The following LINGO2 variants were observed in gnomAD, a reference collection of about 807,000 sequenced individuals.
LINGO2 encodes leucine rich repeat and Ig domain containing 2.
LINGO2 carries 14 observed loss-of-function variants against 30.6 expected under a neutral mutation model. That is an observed-to-expected ratio of 0.46 (90% confidence interval 0.30 to 0.72). The LOEUF is 0.72. Among genes scored for constraint, LINGO2 ranks in the 30% least tolerant of loss-of-function variants. LINGO2 has a pLI of 0.07. For synonymous variants in LINGO2, 317 were observed against 288.5 expected (o/e 1.10, Z -1.00); for missense variants, 729 against 751.7 (o/e 0.97, Z 0.35).
the LINGO2 span, among the ~76,000 whole-genome samples, chr9:29,170,433 T>C: frequency 1.3e-5 from 2 of 151,958 alleles, no homozygotes; most frequent in Non-Finnish European, 2.9e-5. Context: ...ATAACAGACA[T>C]AGGAGACTAT....
chr9:28,055,689 TTTG>T (rs1293672952), intron 4 of LINGO2, among the ~76,000 whole-genome samples: 4 of 152,314 alleles, frequency 2.6e-5, no homozygotes, highest in African/African-American at 9.6e-5. Flanking sequence ...AAAATGCTTC[TTTG>T]TTAACTACCT....
the LINGO2 span, among the ~76,000 whole-genome samples, chr9:29,169,149 T>C: frequency 1.3e-5 from 2 of 152,088 alleles, no homozygotes; most frequent in African/African-American, 2.4e-5. Flanking sequence ...GGTTTCACCA[T>C]GCTGGCCAGG....
At chr9:28,141,162 A>G (rs535810359) in intron 4 of LINGO2, among the ~76,000 whole-genome samples, 1 of 152,290 alleles carries the variant, frequency 6.6e-6, no homozygotes, top group Non-Finnish European at 1.5e-5. Context: ...TTCTGTCATG[A>G]TATTAGCTGG....
At chr9:28,377,564 C>T (rs1821180449) in intron 2 of LINGO2, among the ~76,000 whole-genome samples, 1 of 151,986 alleles carries the variant, frequency 6.6e-6, no homozygotes, top group South Asian at 2.1e-4. Context: ...GTTAGTTTCC[C>T]AACCCTTGCA....
the LINGO2 span, among the ~76,000 whole-genome samples, chr9:28,928,175 T>A: frequency 1.3e-5 from 2 of 152,224 alleles, no homozygotes; most frequent in Non-Finnish European, 2.9e-5. Flanking sequence ...AAAAAAGTAT[T>A]CTGTTGCCTT....
the LINGO2 span, among the ~76,000 whole-genome samples, chr9:28,687,046 G>A: frequency 6.6e-6 from 1 of 152,090 alleles, no homozygotes; most frequent in Non-Finnish European, 1.5e-5. Flanking sequence ...TATTCAGACA[G>A]AGGAGATGGT....
chr9:27,950,109 T>C (rs1165238983), exon 6 of LINGO2: 1 of 1,614,050 alleles, frequency 6.2e-7, no homozygotes, highest in South Asian at 1.1e-5. Flanking sequence ...TGCTGTTAAG[T>C]TGCATTTCTC....
intron 4 of LINGO2, among the ~76,000 whole-genome samples, chr9:28,098,217 A>C (rs1018033187): frequency 6.6e-6 from 1 of 152,098 alleles, no homozygotes; most frequent in Non-Finnish European, 1.5e-5. Flanking sequence ...AGGCAGAAGA[A>C]TCGCTTGAAC....
the LINGO2 span, among the ~76,000 whole-genome samples, chr9:28,902,858 A>C: frequency 6.6e-6 from 1 of 151,958 alleles, no homozygotes; most frequent in South Asian, 2.1e-4. Context: ...AATATACCAA[A>C]ATAGAGTTCA....
the LINGO2 span, among the ~76,000 whole-genome samples, chr9:28,949,610 G>A: frequency 8.9e-4 from 135 of 152,008 alleles, no homozygotes; most frequent in Non-Finnish European, 1.5e-3. Context: ...AAATTGAGAC[G>A]GTAATTAATA....
At chr9:28,611,549 C>T (rs971670752) in intron 1 of LINGO2, among the ~76,000 whole-genome samples, 7 of 152,170 alleles carry the variant, frequency 4.6e-5, no homozygotes, top group African/African-American at 1.4e-4. Flanking sequence ...TTTTCACACC[C>T]GATCCCCATC....
At chr9:27,997,118 TA>T (rs1222861783) in intron 5 of LINGO2, among the ~76,000 whole-genome samples, 1 of 152,214 alleles carries the variant, frequency 6.6e-6, no homozygotes, top group Non-Finnish European at 1.5e-5. Flanking sequence ...TTCTGACATA[TA>T]ATGACTCTTG....
intron 4 of LINGO2, among the ~76,000 whole-genome samples, chr9:28,078,202 G>A (rs919196182): frequency 6.7e-6 from 1 of 149,090 alleles, no homozygotes; most frequent in Non-Finnish European, 1.5e-5. Flanking sequence ...ATTTGCGAGA[G>A]GAAATTGAAG....
intron 3 of LINGO2, among the ~76,000 whole-genome samples, chr9:28,343,048 G>A (rs555693731): frequency 1.9e-4 from 29 of 152,148 alleles, no homozygotes; most frequent in African/African-American, 6.0e-4. Flanking sequence ...TCAAAACCCA[G>A]GGTTTCCATA....
chr9:29,148,273 G>A, the LINGO2 span, among the ~76,000 whole-genome samples: 6 of 152,192 alleles, frequency 3.9e-5, no homozygotes, highest in South Asian at 1.2e-3. Flanking sequence ...CTTCCTATAG[G>A]ATATAAACCA....
At chr9:29,169,280 G>T in the LINGO2 span, among the ~76,000 whole-genome samples, 2 of 152,088 alleles carry the variant, frequency 1.3e-5, no homozygotes, top group African/African-American at 2.4e-5. Context: ...CTTCAAAAGT[G>T]TTGGAAGAAA....
the LINGO2 span, among the ~76,000 whole-genome samples, chr9:29,024,871 T>G: frequency 1.3e-5 from 2 of 152,162 alleles, no homozygotes; most frequent in Admixed American, 6.6e-5. Flanking sequence ...TCAACTTTGT[T>G]GAAAGTCCTC....
intron 4 of LINGO2, among the ~76,000 whole-genome samples, chr9:28,069,630 G>C (rs982639867): frequency 6.6e-6 from 1 of 152,138 alleles, no homozygotes; most frequent in Admixed American, 6.5e-5. Flanking sequence ...ATAACTTCTA[G>C]AGTTTCTGGC....
intron 2 of LINGO2, among the ~76,000 whole-genome samples, chr9:28,469,373 T>C (rs193095753): frequency 6.6e-6 from 1 of 150,934 alleles, no homozygotes; most frequent in Non-Finnish European, 1.5e-5. Flanking sequence ...TCCAAAAAGA[T>C]AAAAGAGAGA....
Sources: gnomAD v4.1 joint callset for allele counts (sites outside exome capture counted in the v4.1 genomes callset) on GRCh38, gnomAD v4.1.1 for gene constraint, MANE v1.5 for transcripts, NCBI Gene and HGNC (gene_info 2026-07-23, HGNC 2026-07-21) for gene names.